Variants in ASPG observed in about 807,000 individuals in gnomAD.
The protein encoded by ASPG is 60 kDa lysophospholipase.
ASPG carries 53 observed loss-of-function variants against 63.2 expected under a neutral mutation model. That is an observed-to-expected ratio of 0.84 (90% confidence interval 0.67 to 1.05). The LOEUF (loss-of-function observed/expected upper bound fraction) is 1.05. ASPG is among the 50% of genes least tolerant of loss of function. The probability of loss-of-function intolerance (pLI) is 0.00; values close to 1 mark genes in which losing one functional copy is unlikely to be tolerated. For missense variants in ASPG, 741 were observed against 794.4 expected (o/e 0.93, Z 0.81); for synonymous variants, 370 against 355.0 (o/e 1.04, Z -0.48).
At chr14:104,105,631 G>A (rs1243817949) in intron 10 of ASPG, among the ~76,000 whole-genome samples, 181 bp downstream of exon 10, 1 of 152,184 alleles carries the variant, frequency 6.6e-6, no homozygotes. Flanking sequence ...AAGGTTTGCA[G>A]GGTCTATAAG....
Position 104,112,864 on chromosome 14 carries a change from G to C in ASPG, c.*320G>C. ...GTGCGTGTGAGCTGGGCAGGGTGGGGTGCATGGACGTGACTTGGCCAAGTG... is the reference window on the plus strand; with the variant it reads ...GTGCGTGTGAGCTGGGCAGGGTGGGCTGCATGGACGTGACTTGGCCAAGTG... On this transcript the variant is annotated 3_prime_UTR_variant, in exon 16 of 16. Transcript: ENST00000551177. The C allele has an allele frequency of 2.2e-6, 1 of 446,194 alleles. No homozygotes were observed. Among genetic ancestry groups the C allele is most frequent in the Non-Finnish European group, 4.1e-6 (1 of 242,854 alleles). 27.6% of individuals were successfully genotyped at this position (446,194 alleles called of 1,614,324 possible).
In ASPG at chr14:104,115,228, G is replaced by A. The variant is rs1280104866; in HGVS notation, c.*2684G>A. The A allele has an allele frequency of 6.6e-6, 1 of 152,216 alleles. No homozygotes were observed. Among genetic ancestry groups the A allele is most frequent in the African/African-American group, 2.4e-5 (1 of 41,442 alleles). The allele number at this position is 152,216 out of a possible 1,614,324, so 9.4% of individuals were successfully genotyped here. On this transcript the variant is annotated 3_prime_UTR_variant, in exon 16 of 16. Coordinates refer to ENST00000551177, the MANE Select transcript of ASPG (RefSeq NM_001080464.3). Reference sequence around the variant, plus strand: ...TAACCAGATTTCTCGTGTATGCTAGGAAGTTCCCCTTCTGGTCACACCTCA... The same window carrying A: ...TAACCAGATTTCTCGTGTATGCTAGAAAGTTCCCCTTCTGGTCACACCTCA...
chr14:104,093,818 AGGCTGTGGAGTGTGGGTGG>A (rs1566826324), intron 3 of ASPG, among the ~76,000 whole-genome samples: 1 of 5,394 alleles, frequency 1.9e-4, no homozygotes, highest in African/African-American at 7.6e-4. Flanking sequence ...AGAGTGGGTG[AGGCTGTGGAGTGTGGGTGG>A]GGCTGTGGGT....
At position 104,093,459 on chromosome 14, in the gene ASPG, C is replaced by T. The variant is rs756039671; in HGVS notation, c.192-32C>T. ...GGAGGAGGTGCAGAGCGGGAGCCTG[C>T]TGTTCCGCCTCCTGCTGTTTCTGTC... On this transcript the variant is annotated intron_variant, in intron 2 of 15. Coordinates refer to ENST00000551177, the MANE Select transcript of ASPG (RefSeq NM_001080464.3). 8 of 1,553,314 alleles carry T rather than the reference C, an allele frequency of 5.2e-6. No homozygotes were observed. The South Asian group carries it at 5.6e-5, about 11-fold the overall frequency.
rs753405126 is a variant in ASPG at position 104,105,359 on chromosome 14, C to T, written c.1082C>T (p.Thr361Met). The change falls in exon 10 of 16, where the codon ACG (threonine) becomes ATG (methionine). Residue 361 changes from threonine to methionine, a missense_variant. By Grantham distance (81) the Thr-to-Met change is moderately conservative. Coordinates refer to ENST00000551177, the MANE Select transcript of ASPG (RefSeq NM_001080464.3). Reference protein sequence around the residue: ...LLTKDLRGEMTPPSVEERRPS... With the variant: ...LLTKDLRGEMMPPSVEERRPS... The stretch of plus-strand genomic sequence containing the variant: ...ACCAAGGACCTTCGGGGGGAGATGA[C>T]GCCACCCTCGGTGGAAGAGCGCCGG... 4.3e-6 allele frequency: 7 copies of T among 1,612,608 alleles called. No individual in the cohort carries two copies. Among genetic ancestry groups the T allele is most frequent in the East Asian group, 4.5e-5 (2 of 44,868 alleles).
At chr14:104,105,492 G>A (rs1458921190) in intron 10 of ASPG, 42 bp downstream of exon 10, 1 of 1,502,240 alleles carries the variant, frequency 6.7e-7, no homozygotes. Flanking sequence ...GCTGGGGACT[G>A]TGCACCCTCT....
chr14:104,107,398 G>A, intron 12 of ASPG, 53 bp downstream of exon 12: 8 of 1,340,744 alleles, frequency 6.0e-6, no homozygotes, highest in Non-Finnish European at 7.7e-6. Flanking sequence ...GCGCAGAGAG[G>A]CTGTGGGCTC....
At chr14:104,108,941 G>C (rs1302946834) in intron 12 of ASPG, 2 of 985,232 alleles carry the variant, frequency 2.0e-6, no homozygotes, top group Admixed American at 6.1e-5. Context: ...GCCCTCCCCT[G>C]GGTGCTGGGT....
chr14:104,089,233 C>A (rs1408057932), intron 1 of ASPG, among the ~76,000 whole-genome samples: 1 of 152,166 alleles, frequency 6.6e-6, no homozygotes, highest in Non-Finnish European at 1.5e-5. Flanking sequence ...CCCCAGCTGA[C>A]TGGGCGCGGT....
chr14:104,104,549 G>A (rs1371368069), intron 8 of ASPG, 63 bp downstream of exon 8: 2 of 1,590,154 alleles, frequency 1.3e-6, no homozygotes, highest in African/African-American at 2.7e-5. Context: ...GCAGAGGTGG[G>A]CTCTGACCCA....
intron 15 of ASPG, 31 bp from the exon 16 acceptor site, chr14:104,112,493 G>T (rs369076247): frequency 5.8e-6 from 7 of 1,203,426 alleles, no homozygotes; most frequent in Non-Finnish European, 8.7e-6. Context: ...CTCTACCTGG[G>T]TGTCCTTCTC....
chr14:104,101,714 A>G (rs2036885062), intron 6 of ASPG, among the ~76,000 whole-genome samples: 1 of 152,156 alleles, frequency 6.6e-6, no homozygotes, highest in South Asian at 2.1e-4. Context: ...GGTCACCCCA[A>G]AGCAGAGCCC....
At chr14:104,087,884 G>T (rs1170920766) in intron 1 of ASPG, among the ~76,000 whole-genome samples, 1 of 152,236 alleles carries the variant, frequency 6.6e-6, no homozygotes, top group South Asian at 2.1e-4. Flanking sequence ...GTCTGGGTGG[G>T]AAACAAGAGA....
intron 4 of ASPG, 138 bp downstream of exon 4, chr14:104,095,794 C>G (rs908110291): frequency 8.5e-7 from 1 of 1,171,934 alleles, no homozygotes; most frequent in Admixed American, 2.5e-5. Flanking sequence ...CTGCAGGGCC[C>G]GTGCTGGGGC....
At chr14:104,103,844 C>T (rs1194360567) in intron 7 of ASPG, among the ~76,000 whole-genome samples, 169 bp downstream of exon 7, 2 of 152,232 alleles carry the variant, frequency 1.3e-5, no homozygotes, top group Admixed American at 6.5e-5. Context: ...CCCTGTCCTC[C>T]GTCGTGGTGC....
intron 1 of ASPG, 104 bp from the exon 2 acceptor site, chr14:104,092,529 C>A: frequency 1.1e-6 from 1 of 951,692 alleles, no homozygotes; most frequent in Non-Finnish European, 1.6e-6. Context: ...TGTCATAAGA[C>A]CGGAGCCCCA....
At position 104,110,652 on chromosome 14, in the gene ASPG, C is replaced by T. The variant is rs1438689790; in HGVS notation, c.1521-850C>T. 1.0e-6 allele frequency: 1 copy of T among 985,242 alleles called. No homozygotes were observed. The highest frequency in any genetic ancestry group is 6.1e-5 in the Admixed American group (1 of 16,264). 61.0% of individuals were successfully genotyped at this position (985,242 alleles called of 1,614,324 possible). ...CCAGCAGATTCGCTGCAGAGATTACCCAGTGCCACTGCAGGGCTGCTGCTG... is the reference window on the plus strand; with the variant it reads ...CCAGCAGATTCGCTGCAGAGATTACTCAGTGCCACTGCAGGGCTGCTGCTG... On this transcript the variant is annotated intron_variant, in intron 13 of 15. Transcript: ENST00000551177. This position sits in a 1 kb window ranked among gnomAD's most constrained non-coding sequence, Gnocchi z 4.7.
chr14:104,086,125 G>A (rs969566507), intron 1 of ASPG, among the ~76,000 whole-genome samples: 3 of 152,180 alleles, frequency 2.0e-5, no homozygotes, highest in Admixed American at 1.3e-4. Flanking sequence ...CTGCCGCTGC[G>A]CCCCTGAGGG....
rs931572472 is a variant in ASPG, at chr14:104,093,261, C to T, written c.192-230C>T. 10 of 598,938 alleles carry T rather than the reference C, an allele frequency of 1.7e-5. No homozygotes were observed. The African/African-American group carries it at 1.9e-4, about 11-fold the overall frequency. 37.1% of individuals were successfully genotyped at this position (598,938 alleles called of 1,614,324 possible). The stretch of plus-strand genomic sequence containing the variant: ...TCTTCGAGCTGGTGTGGGAAGAAGA[C>T]TGCTGGGAGTGGCCCATCCTGACCT... On this transcript the variant is annotated intron_variant, in intron 2 of 15. Coordinates refer to ENST00000551177, the MANE Select transcript of ASPG (RefSeq NM_001080464.3).
Sources: allele counts gnomAD v4.1 joint callset (sites outside exome capture counted in the v4.1 genomes callset), GRCh38; gene constraint gnomAD v4.1.1; non-coding constraint Gnocchi (gnomAD v3.1); transcripts MANE v1.5; gene names NCBI Gene and HGNC (gene_info 2026-07-23, HGNC 2026-07-21).